The following KNL1 variants were observed in gnomAD, a reference collection of about 807,000 sequenced individuals.
KNL1 encodes kinetochore scaffold 1, also known as outer kinetochore KNL1 complex subunit KNL1.
KNL1 carries 66 observed loss-of-function variants against 201.3 expected under a neutral mutation model. The ratio of observed to expected loss-of-function variants is 0.33; its 90% CI spans 0.27 to 0.40. The LOEUF is 0.40. Among genes scored for constraint, KNL1 ranks in the 10% least tolerant of loss-of-function variants. The pLI is 1.00. For missense variants in KNL1, 2,815 were observed against 2,690.5 expected, an observed-to-expected ratio of 1.05 and a Z score of -1.02; for synonymous variants, 895 against 899.2, an observed-to-expected ratio of 1.00 and a Z score of 0.08.
At chr15:40,657,734 C>T (rs1201684555) in intron 24 of KNL1, among the ~76,000 whole-genome samples, 1 of 152,200 alleles carries the variant, frequency 6.6e-6, no homozygotes, top group Non-Finnish European at 1.5e-5. Context: ...TCTGCATCCA[C>T]ATTTCCCCTT....
At chr15:40,649,850 T>G (rs1425670363) in intron 17 of KNL1, among the ~76,000 whole-genome samples, 1 of 152,246 alleles carries the variant, frequency 6.6e-6, no homozygotes, top group African/African-American at 2.4e-5. Flanking sequence ...TTCCTTGAGC[T>G]CTCATGGCTC....
rs983506769 is a variant in KNL1, at chr15:40,663,889, C to G, written c.*1701C>G. ...GGATCCCCTGAATGTTATTGTCCCT[C>G]TTGATTGGTTTTTACTTCTGAGCTA... is the stretch of plus-strand genomic sequence containing the variant. On this transcript the variant is annotated 3_prime_UTR_variant, in exon 26 of 26. Transcript: ENST00000399668. The G allele has an allele frequency of 5.2e-6, 1 of 193,220 alleles. No homozygotes were observed. The highest frequency in any genetic ancestry group is 1.9e-4 in the South Asian group (1 of 5,174). 12.0% of individuals were successfully genotyped at this position (193,220 alleles called of 1,614,324 possible). A position where few individuals can be genotyped will look rare whatever the true frequency, so the allele number is the denominator to read the frequency against.
At position 40,662,361 on chromosome 15, in the gene KNL1, GTC is replaced by G; in HGVS notation, c.*175_*176del. 1.9e-6 allele frequency: 1 copy of G among 540,480 alleles called. No individual in the cohort carries two copies. The highest frequency in any genetic ancestry group is 2.4e-5 in the South Asian group (1 of 41,430). 33.5% of individuals were successfully genotyped at this position (540,480 alleles called of 1,614,324 possible). A position where few individuals can be genotyped will look rare whatever the true frequency, so the allele number is the denominator to read the frequency against. Reference sequence around the variant, plus strand: ...ATCTCTGCAGAATGATGGTGATGAAGTCTGGATGGTAGGCCTCATAGCCTACT... The same window carrying G: ...ATCTCTGCAGAATGATGGTGATGAAGTGGATGGTAGGCCTCATAGCCTACT... On this transcript the variant is annotated 3_prime_UTR_variant, in exon 26 of 26. Transcript: ENST00000399668.
At chr15:40,655,154 C>T (rs1487431592) in intron 22 of KNL1, among the ~76,000 whole-genome samples, 177 bp downstream of exon 22, 12 of 151,402 alleles carry the variant, frequency 7.9e-5, no homozygotes, top group African/African-American at 1.9e-4. Flanking sequence ...AAAAACTAGC[C>T]GGGTGTGATG....
intron 25 of KNL1, among the ~76,000 whole-genome samples, chr15:40,659,892 T>TGTGTGTGTGTGTG (rs879552542): frequency 8.3e-6 from 1 of 120,096 alleles, no homozygotes; most frequent in South Asian, 2.9e-4. Flanking sequence ...TTTGAAGAAT[T>TGTGTGTGTGTGTG]TATGTGTGTG....
chr15:40,651,386 A>T, intron 19 of KNL1, 85 bp from the exon 20 acceptor site: 1 of 763,200 alleles, frequency 1.3e-6, no homozygotes, highest in African/African-American at 1.8e-5. Flanking sequence ...GTAGCATGTG[A>T]CTTCTTATCA....
intron 10 of KNL1, 76 bp from the exon 11 acceptor site, chr15:40,627,994 G>C: frequency 2.1e-6 from 2 of 945,704 alleles, no homozygotes; most frequent in Non-Finnish European, 3.1e-6. Flanking sequence ...GTTAGAAGTA[G>C]TATTTCTGTT....
At position 40,623,429 on chromosome 15, in the gene KNL1, T is replaced by C. The variant is rs138678998; in HGVS notation, c.3165T>C (p.Asn1055=). ...IKDVQSPGFL[N]EPLSSKSQRR... is the part of the protein sequence containing the mutation. ...ATGTACAAAGTCCTGGATTTCTGAA[T>C]GAACCTCTATCAAGCAAAAGTCAGA... The change falls in exon 10 of 26, where the codon AAT becomes AAC. Residue 1055 remains asparagine (N), a synonymous_variant. Coordinates refer to ENST00000399668, the MANE Select transcript of KNL1 (RefSeq NM_144508.5). 12 of 1,613,360 alleles carry C rather than the reference T, an allele frequency of 7.4e-6. No homozygotes were observed. In the East Asian group the frequency reaches 2.5e-4, roughly 33 times the overall value.
chr15:40,607,810 G>A (rs770514555), intron 4 of KNL1, among the ~76,000 whole-genome samples: 12 of 151,866 alleles, frequency 7.9e-5, no homozygotes, highest in Non-Finnish European at 1.2e-4. Flanking sequence ...GTGTTGATGA[G>A]GATGCAGAGA....
At position 40,659,373 on chromosome 15, in the gene KNL1, G is replaced by T. The variant is rs1327829159; in HGVS notation, c.6748G>T (p.Ala2250Ser). Residue 2250 changes from alanine to serine, a missense_variant, in exon 25 of 26, where the codon GCA becomes TCA. This residue lies in a region of KNL1 where 334 missense variants were observed against 362.6 expected (regional missense o/e 0.92). Transcript: ENST00000399668. ...RLLFSSSAAF[A>S]KFEITLFLSA... is the part of the protein sequence containing the mutation. ...TTTATTCTCTAGCTCCGCAGCATTT[G>T]CAAAGTTTGAAATAACTTTGTTTCT... 1 of 1,611,552 alleles carries T rather than the reference G, an allele frequency of 6.2e-7. No individual in the cohort carries two copies. Among genetic ancestry groups the T allele is most frequent in the Non-Finnish European group, 8.5e-7 (1 of 1,177,810 alleles).
chr15:40,640,506 G>A (rs1317554262), intron 13 of KNL1, among the ~76,000 whole-genome samples: 1 of 151,992 alleles, frequency 6.6e-6, no homozygotes, highest in Non-Finnish European at 1.5e-5. Flanking sequence ...TGGAGGATGT[G>A]CCAGAAAAGT....
At chr15:40,638,873 A>G (rs1207206327) in intron 13 of KNL1, among the ~76,000 whole-genome samples, 2 of 136,308 alleles carry the variant, frequency 1.5e-5, no homozygotes, top group African/African-American at 2.8e-5. Flanking sequence ...GTGCAATGGC[A>G]CTGTCTCTGC....
At position 40,622,116 on chromosome 15, in the gene KNL1, A is replaced by C; in HGVS notation, c.1852A>C (p.Ser618Arg). 3 of 1,614,104 alleles carry C rather than the reference A, an allele frequency of 1.9e-6. No individual in the cohort carries two copies. Among genetic ancestry groups the C allele is most frequent in the Non-Finnish European group, 2.5e-6 (3 of 1,179,966 alleles). Residue 618 changes from serine (S) to arginine (R), a missense_variant, in exon 10 of 26, where the codon AGT (serine) becomes CGT (arginine). By Grantham distance (110) the Ser-to-Arg change is moderately radical. Around this residue, in one of 3 missense-constraint regions of KNL1, gnomAD observed 2,464 missense variants for 2,291.7 expected, o/e 1.08. Coordinates refer to ENST00000399668, the MANE Select transcript of KNL1 (RefSeq NM_144508.5). Reference protein sequence around the residue: ...SSDECEEITKSRNEPFQRSDI... With the variant: ...SSDECEEITKRRNEPFQRSDI... ...AGATGAATGTGAAGAAATTACCAAAAGTCGTAATGAACCATTTCAGCGATC... is the reference window on the plus strand; with the variant it reads ...AGATGAATGTGAAGAAATTACCAAACGTCGTAATGAACCATTTCAGCGATC...
At chr15:40,613,608 CTT>C (rs1197009723) in intron 7 of KNL1, among the ~76,000 whole-genome samples, 4 of 151,900 alleles carry the variant, frequency 2.6e-5, no homozygotes, top group African/African-American at 9.6e-5. Context: ...CTCTTTCCCT[CTT>C]CTTTCTTTTT....
chr15:40,645,785 A>G lies in KNL1; in HGVS notation c.6006+13A>G, dbSNP rs1159024390. 2.3e-6 allele frequency: 3 copies of G among 1,302,486 alleles called. No individual in the cohort carries two copies. Among genetic ancestry groups the G allele is most frequent in the Non-Finnish European group, 2.2e-6 (2 of 928,506 alleles). 80.7% of individuals were successfully genotyped at this position (1,302,486 alleles called of 1,614,324 possible). ...GCAGTCAGCTCAGGTAATTTGAGAC[A>G]GTTAATATCATAGAAAGAGAGAGAT... On this transcript the variant is annotated intron_variant, in intron 16 of 25. Transcript: ENST00000399668.
At chr15:40,649,044 G>A (rs8038122) in intron 17 of KNL1, among the ~76,000 whole-genome samples, 56,786 of 148,294 alleles carry the variant, frequency 0.38, 11,368 homozygotes, top group Non-Finnish European at 0.44. Flanking sequence ...CTCCATGTTG[G>A]TCAGGCTGAT....
chr15:40,625,297 C>A lies in KNL1; in HGVS notation c.5033C>A (p.Thr1678Lys). Residue 1678 changes from threonine (T) to lysine (K), a missense_variant, in exon 10 of 26, where the codon ACA (threonine) becomes AAA (lysine). This residue lies in a region of KNL1 where 2,464 missense variants were observed against 2,291.7 expected (regional missense o/e 1.08). Transcript: ENST00000399668. ...GACCTGGAACAGATTCCAGCAGACA[C>A]AACTGATATAAATCACTTAGAAACT... ...IDDLEQIPAD[T>K]TDINHLETQP... 1 of 1,614,082 alleles carries A rather than the reference C, an allele frequency of 6.2e-7. No homozygotes were observed.
chr15:40,613,049 C>T (rs976937498), intron 7 of KNL1, among the ~76,000 whole-genome samples: 6 of 151,954 alleles, frequency 3.9e-5, no homozygotes, highest in African/African-American at 9.7e-5. Context: ...TAATAGTAAA[C>T]GTTGTGAAAG....
In KNL1 at chr15:40,621,228, A is replaced by G; in HGVS notation, c.964A>G (p.Thr322Ala). 6.2e-7 allele frequency: 1 copy of G among 1,612,686 alleles called. No homozygotes were observed. The highest frequency in any genetic ancestry group is 1.1e-5 in the South Asian group (1 of 90,944). Residue 322 changes from threonine to alanine, a missense_variant, in exon 10 of 26, where the codon ACA (threonine) becomes GCA (alanine). This residue lies in a region of KNL1 where 2,464 missense variants were observed against 2,291.7 expected (regional missense o/e 1.08). Transcript: ENST00000399668. Reference protein sequence around the residue: ...TIYGNDFMDLTFNHTLQILPA... With the variant: ...TIYGNDFMDLAFNHTLQILPA... ...TTATGGCAATGACTTTATGGACTTG[A>G]CATTTAACCACACTTTGCAGATCTT...
Sources: gnomAD v4.1 joint callset for allele counts (sites outside exome capture counted in the v4.1 genomes callset) on GRCh38, gnomAD v4.1.1 for gene constraint, gnomAD v4.1.1 regional missense constraint, MANE v1.5 for transcripts, NCBI Gene and HGNC (gene_info 2026-07-23, HGNC 2026-07-21) for gene names.